ARHGAP10: variants seen among roughly 807,000 people sequenced by gnomAD.
ARHGAP10 encodes the protein rho GTPase-activating protein 10.
Under a neutral mutation model 108.6 loss-of-function variants are expected in ARHGAP10, and 87 were observed. The observed-to-expected ratio is 0.80, with a 90% CI of 0.67 to 0.96. The LOEUF is 0.96. Ranked by LOEUF, ARHGAP10 falls within the 40% of genes least tolerant of loss-of-function variation. ARHGAP10 has a pLI of 0.00. For missense variants in ARHGAP10, 939 were observed against 954.5 expected, an observed-to-expected ratio of 0.98 and a Z score of 0.21; for synonymous variants, 347 against 341.1, an observed-to-expected ratio of 1.02 and a Z score of -0.19.
intron 13 of ARHGAP10, among the ~76,000 whole-genome samples, chr4:147,926,587 C>A (rs1443904611): frequency 6.6e-6 from 1 of 152,034 alleles, no homozygotes; most frequent in Non-Finnish European, 1.5e-5. Context: ...AGAATGAAAG[C>A]AAGAGGAGAG....
At chr4:147,816,541 C>CTT (rs1732254937) in intron 1 of ARHGAP10, among the ~76,000 whole-genome samples, 1 of 152,176 alleles carries the variant, frequency 6.6e-6, no homozygotes, top group African/African-American at 2.4e-5. Flanking sequence ...GCCAGGAATG[C>CTT]TTTACCAGAA....
At chr4:147,803,626 C>T (rs1428573174) in intron 1 of ARHGAP10, among the ~76,000 whole-genome samples, 1 of 152,214 alleles carries the variant, frequency 6.6e-6, no homozygotes, top group African/African-American at 2.4e-5. Flanking sequence ...CCATTCTTCT[C>T]TCTACCTCCA....
chr4:147,913,283 A>G, intron 13 of ARHGAP10, 144 bp downstream of exon 13: 1 of 719,126 alleles, frequency 1.4e-6, no homozygotes, highest in East Asian at 2.7e-5. Context: ...AGGATCAGTT[A>G]TTCATTTACT....
intron 1 of ARHGAP10, among the ~76,000 whole-genome samples, chr4:147,746,093 G>A (rs1728905192): frequency 6.7e-6 from 1 of 149,328 alleles, no homozygotes; most frequent in South Asian, 2.1e-4. Flanking sequence ...CTGCCACAAA[G>A]TGCTTCTTAT....
chr4:147,828,805 CAG>C (rs1349342196), intron 3 of ARHGAP10, among the ~76,000 whole-genome samples: 1 of 152,044 alleles, frequency 6.6e-6, no homozygotes, highest in Non-Finnish European at 1.5e-5. Context: ...GAAAAAAAGT[CAG>C]TGTTTCCCTC....
intron 1 of ARHGAP10, among the ~76,000 whole-genome samples, chr4:147,753,518 G>GTTTT (rs11449935): frequency 7.2e-6 from 1 of 139,130 alleles, no homozygotes; most frequent in Non-Finnish European, 1.6e-5. Context: ...TAATTTTTTG[G>GTTTT]TTTTTTTTTT....
intron 13 of ARHGAP10, among the ~76,000 whole-genome samples, chr4:147,939,382 T>C (rs931549524): frequency 2.6e-5 from 4 of 152,218 alleles, no homozygotes. Flanking sequence ...GCTTTAGTTT[T>C]GAATGAATTT....
intron 15 of ARHGAP10, among the ~76,000 whole-genome samples, chr4:147,946,990 G>A (rs1327468626): frequency 1.3e-5 from 2 of 152,136 alleles, no homozygotes; most frequent in South Asian, 2.1e-4. Flanking sequence ...ACAACTCGTC[G>A]AGGCTGATGA....
chr4:148,025,660 C>A, intron 19 of ARHGAP10, among the ~76,000 whole-genome samples: 1 of 151,832 alleles, frequency 6.6e-6, no homozygotes, highest in East Asian at 1.9e-4. Flanking sequence ...ACTAAAAAAA[C>A]TTTCATGTTA....
At chr4:147,766,103 AAACCC>A (rs1469934301) in intron 1 of ARHGAP10, among the ~76,000 whole-genome samples, 63 of 152,142 alleles carry the variant, frequency 4.1e-4, no homozygotes, top group Admixed American at 4.1e-3. Flanking sequence ...CAACATGGTG[AAACCC>A]TGTCTTTACT....
chr4:147,930,674 C>T (rs1737642280), intron 13 of ARHGAP10, among the ~76,000 whole-genome samples: 1 of 151,766 alleles, frequency 6.6e-6, no homozygotes, highest in Admixed American at 6.6e-5. Flanking sequence ...CCAATTTTTC[C>T]TCCCTTTTAT....
At chr4:147,871,002 C>G (rs1487858054) in intron 7 of ARHGAP10, among the ~76,000 whole-genome samples, 1 of 150,812 alleles carries the variant, frequency 6.6e-6, no homozygotes, top group Non-Finnish European at 1.5e-5. Context: ...CTCTGTTGCC[C>G]AGGCTGGAGT....
chr4:148,006,408 C>G (rs2149650150), intron 18 of ARHGAP10, among the ~76,000 whole-genome samples: 1 of 152,352 alleles, frequency 6.6e-6, no homozygotes, highest in African/African-American at 2.4e-5. Context: ...CCTTGTCAGC[C>G]TGTTCCAGCT....
chr4:147,765,337 T>G (rs868607076), intron 1 of ARHGAP10, among the ~76,000 whole-genome samples: 842 of 58,222 alleles, frequency 0.014, 3 homozygotes, highest in African/African-American at 0.023. Flanking sequence ...TGTGTGTGTG[T>G]GGGGGGGGGG....
At chr4:147,904,535 A>T (rs1736383588) in intron 10 of ARHGAP10, among the ~76,000 whole-genome samples, 1 of 152,106 alleles carries the variant, frequency 6.6e-6, no homozygotes, top group Admixed American at 6.5e-5. Flanking sequence ...TTCCAATTTC[A>T]TCCATGTCCC....
At chr4:148,015,742 A>C (rs938389190) in intron 18 of ARHGAP10, among the ~76,000 whole-genome samples, 4 of 152,236 alleles carry the variant, frequency 2.6e-5, no homozygotes, top group African/African-American at 9.6e-5. Context: ...CAAGGTGATC[A>C]GGGTTTGCTT....
At chr4:148,068,244 G>GGCA (rs1289158447) in intron 22 of ARHGAP10, among the ~76,000 whole-genome samples, 4 of 152,174 alleles carry the variant, frequency 2.6e-5, no homozygotes, top group Non-Finnish European at 5.9e-5. Context: ...ACGTGGCAGC[G>GGCA]GCAGCAGCAG....
At chr4:147,742,540 A>G (rs928323250) in intron 1 of ARHGAP10, among the ~76,000 whole-genome samples, 8 of 140,030 alleles carry the variant, frequency 5.7e-5, no homozygotes, top group Non-Finnish European at 9.0e-5. Flanking sequence ...CTGGAGTGCA[A>G]TGGCACAATC....
intron 10 of ARHGAP10, among the ~76,000 whole-genome samples, chr4:147,882,713 A>G (rs898741027): frequency 6.6e-6 from 1 of 152,048 alleles, no homozygotes; most frequent in Non-Finnish European, 1.5e-5. Context: ...TCCTTATTGC[A>G]TGACTTCCAG....
Sources: allele counts gnomAD v4.1 joint callset (sites outside exome capture counted in the v4.1 genomes callset), GRCh38; gene constraint gnomAD v4.1.1; transcripts MANE v1.5; gene names NCBI Gene and HGNC (gene_info 2026-07-23, HGNC 2026-07-21).